The following AMZ1 variants were observed in gnomAD, a reference collection of about 807,000 sequenced individuals.
The protein encoded by AMZ1 is archaemetzincin-1.
A neutral mutation model predicts 29.9 loss-of-function variants in AMZ1; 39 were observed. That is an observed-to-expected ratio of 1.30 (90% confidence interval 1.01 to 1.70). The LOEUF (loss-of-function observed/expected upper bound fraction) is 1.70, where lower values mean the gene tolerates loss of function less well. AMZ1 is among the 40% of genes most tolerant of loss of function. The probability of loss-of-function intolerance (pLI) is 0.00; values close to 1 mark genes in which losing one functional copy is unlikely to be tolerated. For synonymous variants in AMZ1, 458 were observed against 304.0 expected, an observed-to-expected ratio of 1.51 and a Z score of -5.27; for missense variants, 1,041 against 680.6, an observed-to-expected ratio of 1.53 and a Z score of -5.89.
At chr7:2,762,449 C>G, upstream of AMZ1, 1 of 531,530 alleles carries the variant, frequency 1.9e-6, no homozygotes. Context: ...CGCTACTTAA[C>G]TCCAAAGTCC....
At chr7:2,697,178 C>T (rs1268687422) in intron 1 of AMZ1, among the ~76,000 whole-genome samples, 1 of 152,318 alleles carries the variant, frequency 6.6e-6, no homozygotes, top group South Asian at 2.1e-4. Context: ...TCTCGGCTCA[C>T]TGCAACCTCT....
At chr7:2,737,812 T>A (rs1421528590) in intron 4 of AMZ1, among the ~76,000 whole-genome samples, 2 of 152,228 alleles carry the variant, frequency 1.3e-5, no homozygotes, top group Non-Finnish European at 2.9e-5. Flanking sequence ...TTTCATTACT[T>A]AATAAATAAA....
upstream of AMZ1, among the ~76,000 whole-genome samples, chr7:2,684,330 T>A (rs1003176193): frequency 7.9e-5 from 12 of 152,168 alleles, no homozygotes; most frequent in Non-Finnish European, 1.2e-4. Context: ...TTTAACCATA[T>A]CTGCAACGAC....
intron 1 of AMZ1, among the ~76,000 whole-genome samples, chr7:2,695,739 A>G (rs974758906): frequency 1.1e-4 from 16 of 150,892 alleles, no homozygotes; most frequent in African/African-American, 3.9e-4. Flanking sequence ...GGCCGGGCGC[A>G]GTGGCTCATG....
rs1366709827 is a variant in AMZ1, at chr7:2,709,110, G to T, written c.637G>T (p.Glu213Ter). 1.9e-6 allele frequency: 3 copies of T among 1,601,030 alleles called. No individual in the cohort carries two copies. The highest frequency in any genetic ancestry group is 2.6e-6 in the Non-Finnish European group (3 of 1,174,132). Reference sequence around the variant, plus strand: ...CTGCAGCTTCGCCCGGTTCTCAGGGGAATTCCCGAAGTCGGGGCCCAGCGC... The same window carrying T: ...CTGCAGCTTCGCCCGGTTCTCAGGGTAATTCCCGAAGTCGGGGCCCAGCGC... ...GVCSFARFSG[E>*]FPKSGPSAPD... Residue 213 changes from glutamate (E) to a stop codon, truncating the protein, a stop_gained, in exon 5 of 7, where the codon GAA becomes TAA. Transcript: ENST00000683327. LOFTEE classifies it high-confidence loss of function.
At chr7:2,692,429 C>A (rs372267527) in intron 1 of AMZ1, among the ~76,000 whole-genome samples, 2 of 152,168 alleles carry the variant, frequency 1.3e-5, no homozygotes, top group Non-Finnish European at 2.9e-5. Context: ...TTAGTCCCAG[C>A]TATTCGGGAG....
At chr7:2,688,421 G>A (rs1787180729) in intron 1 of AMZ1, 125 bp downstream of exon 1, 1 of 151,994 alleles carries the variant, frequency 6.6e-6, no homozygotes, top group African/African-American at 2.4e-5. Flanking sequence ...AGGGCGCCCG[G>A]GCGGCGGCGG....
intron 1 of AMZ1, among the ~76,000 whole-genome samples, chr7:2,694,670 T>C (rs1162279834): frequency 7.2e-6 from 1 of 138,724 alleles, no homozygotes; most frequent in Non-Finnish European, 1.6e-5. Flanking sequence ...ATATAATATA[T>C]ATTTTATTTA....
upstream of AMZ1, among the ~76,000 whole-genome samples, chr7:2,685,860 A>G (rs1403847250): frequency 6.6e-6 from 1 of 151,532 alleles, no homozygotes; most frequent in African/African-American, 2.4e-5. Context: ...CTCAAGAAAA[A>G]AAAAAAAAAA....
upstream of AMZ1, chr7:2,762,958 G>T: frequency 1.8e-5 from 24 of 1,363,514 alleles, no homozygotes; most frequent in Non-Finnish European, 2.2e-5. Flanking sequence ...CCCGTGCCAG[G>T]GTCTCCTGCT....
At position 2,719,218 on chromosome 7, in the gene AMZ1, G is replaced by T. The variant is rs1191965968; in HGVS notation, c.*6340G>T. ...AACGGCAGGTGGCCCCTGTCGGAAG[G>T]GGGGTGTCTCTTTATTCCTGCCATC... On this transcript the variant is annotated 3_prime_UTR_variant, in exon 7 of 7. Coordinates refer to ENST00000683327, the MANE Select transcript of AMZ1 (RefSeq NM_001384743.1). 6.6e-6 allele frequency among the ~76,000 whole-genome samples: 1 copy of T among 152,170 alleles called. No individual in the cohort carries two copies.
chr7:2,753,505 G>C (rs956857771), intron 4 of AMZ1, among the ~76,000 whole-genome samples: 14 of 152,160 alleles, frequency 9.2e-5, no homozygotes, highest in Non-Finnish European at 1.9e-4. Context: ...TCACACTGTT[G>C]CATCTGTCAG....
In AMZ1 at chr7:2,712,818, T is replaced by C. The variant is rs763123701; in HGVS notation, c.1437T>C (p.Ser479=). 8 of 1,538,174 alleles carry C rather than the reference T, an allele frequency of 5.2e-6. No individual in the cohort carries two copies. Among genetic ancestry groups the C allele is most frequent in the African/African-American group, 1.4e-5 (1 of 72,958 alleles). Residue 479 remains serine, a synonymous_variant, in exon 7 of 7, where the codon AGT becomes AGC. Coordinates refer to ENST00000683327, the MANE Select transcript of AMZ1 (RefSeq NM_001384743.1). ...DKFSSLRRKL[S]ARKLARAESA... is the part of the protein sequence containing the mutation. ...TCTCCTCCCTGAGGAGGAAGCTGAG[T>C]GCCCGAAAACTCGCCAGAGCAGAGT...
Position 2,731,789 on chromosome 7 carries a change from A to G in AMZ1, n.550+21973A>G, listed in dbSNP as rs779674921. The G allele has an allele frequency of 1.9e-6, 2 of 1,056,140 alleles. No individual in the cohort carries two copies. The highest frequency in any genetic ancestry group is 5.0e-5 in the Admixed American group (2 of 39,896). The allele number at this position is 1,056,140 out of a possible 1,614,324, so 65.4% of individuals were successfully genotyped here. A position where few individuals can be genotyped will look rare whatever the true frequency, so the allele number is the denominator to read the frequency against. ...GATGAGGCAGAAATTTAGGGGGAGG[A>G]AGAAAGAACAGAGAAAATAGAAACA... is the stretch of plus-strand genomic sequence containing the variant. On this transcript the variant is annotated intron_variant and non_coding_transcript_variant, in intron 4 of 4. Transcript: ENST00000489665. The surrounding 1 kb of genome is among the most constrained non-coding windows in gnomAD (Gnocchi z 6.0).
intron 4 of AMZ1, among the ~76,000 whole-genome samples, chr7:2,734,677 C>T (rs1377440182): frequency 6.6e-6 from 1 of 152,240 alleles, no homozygotes; most frequent in Non-Finnish European, 1.5e-5. Flanking sequence ...AGGAGCCCAC[C>T]TTCCTACTTT....
At chr7:2,689,370 T>TGGGC (rs1554244931) in intron 1 of AMZ1, among the ~76,000 whole-genome samples, 2 of 149,566 alleles carry the variant, frequency 1.3e-5, no homozygotes, top group Non-Finnish European at 3.0e-5. Context: ...AGAACCTCCC[T>TGGGC]GGGGGGGGGA....
rs933359999 is a variant in AMZ1 at position 2,718,032 on chromosome 7, G to A, written c.*5154G>A. Among the ~76,000 whole-genome samples, 2 of 152,200 alleles carry A rather than the reference G, an allele frequency of 1.3e-5. No homozygotes were observed. Among genetic ancestry groups the A allele is most frequent in the South Asian group, 2.1e-4 (1 of 4,828 alleles). On this transcript the variant is annotated 3_prime_UTR_variant, in exon 7 of 7. Coordinates refer to ENST00000683327, the MANE Select transcript of AMZ1 (RefSeq NM_001384743.1). ...CACAATGGCCCTCAGAGGGTCCGCG[G>A]CAGCCAGGCCCGTCCAACCTCCTGC...
rs993402770 is a variant in AMZ1 at position 2,758,808 on chromosome 7, A to G, written n.551-5904A>G. ...CAGTTTACTCATCTAATAGAACACC[A>G]CAGAAGAATGGATATGAGAGGGTTA... On this transcript the variant is annotated intron_variant and non_coding_transcript_variant, in intron 4 of 4. Transcript: ENST00000489665. 6.6e-5 allele frequency among the ~76,000 whole-genome samples: 10 copies of G among 152,294 alleles called. No homozygotes were observed. In the East Asian group the frequency reaches 1.7e-3, roughly 26 times the overall value.
At chr7:2,736,691 C>T (rs971119858) in intron 4 of AMZ1, among the ~76,000 whole-genome samples, 1 of 152,236 alleles carries the variant, frequency 6.6e-6, no homozygotes, top group Non-Finnish European at 1.5e-5. Context: ...CAGCCTTCAG[C>T]AGTTTCTGGA....
Sources: allele counts gnomAD v4.1 joint callset (sites outside exome capture counted in the v4.1 genomes callset), GRCh38; gene constraint gnomAD v4.1.1; non-coding constraint Gnocchi (gnomAD v3.1); transcripts MANE v1.5; gene names NCBI Gene and HGNC (gene_info 2026-07-23, HGNC 2026-07-21).